The following ATF2 variants were observed in gnomAD, a reference collection of about 807,000 sequenced individuals.
The protein encoded by ATF2 is cyclic AMP-dependent transcription factor ATF-2.
A neutral mutation model predicts 60.6 loss-of-function variants in ATF2; 24 were observed. That is an observed-to-expected ratio of 0.40 (90% CI 0.29 to 0.56). The LOEUF (loss-of-function observed/expected upper bound fraction) is 0.56, where lower values mean the gene tolerates loss of function less well. ATF2 is among the 20% of genes least tolerant of loss of function. The probability of loss-of-function intolerance (pLI) is 0.54; values close to 1 mark genes in which losing one functional copy is unlikely to be tolerated. For synonymous variants in ATF2, 206 were observed against 215.4 expected, an observed-to-expected ratio of 0.96 and a Z score of 0.38; for missense variants, 433 against 607.7, an observed-to-expected ratio of 0.71 and a Z score of 3.02.
At chr2:175,116,771 T>G (rs1696602725) in intron 7 of ATF2, among the ~76,000 whole-genome samples, 3 of 151,932 alleles carry the variant, frequency 2.0e-5, no homozygotes, top group Non-Finnish European at 4.4e-5. Flanking sequence ...AATGAAAAAC[T>G]GTTAAGTGTG....
chr2:175,157,361 C>G (rs1216627111), intron 1 of ATF2, among the ~76,000 whole-genome samples: 1 of 152,112 alleles, frequency 6.6e-6, no homozygotes, highest in Non-Finnish European at 1.5e-5. Context: ...ATCTACACAG[C>G]CACGCAGGGT....
Position 175,130,132 on chromosome 2 carries a change from T to C in ATF2, c.102+6A>G, listed in dbSNP as rs1280916503. On this transcript the variant is annotated splice_donor_region_variant and intron_variant, in intron 4 of 13. Transcript: ENST00000264110. Reference sequence around the variant, plus strand: ...ACAAAATAATTTAAAGTAATTTATATATTACCTGGCCACATCCAGGCGCAG... The same window carrying C: ...ACAAAATAATTTAAAGTAATTTATACATTACCTGGCCACATCCAGGCGCAG... 1.3e-6 allele frequency: 2 copies of C among 1,564,770 alleles called. No homozygotes were observed. Among genetic ancestry groups the C allele is most frequent in the African/African-American group, 1.4e-5 (1 of 73,114 alleles).
chr2:175,137,543 T>G (rs922069339), intron 2 of ATF2, among the ~76,000 whole-genome samples: 2 of 152,068 alleles, frequency 1.3e-5, no homozygotes, highest in African/African-American at 2.4e-5. Flanking sequence ...TGAAGAAAAC[T>G]CTCCTTGCAT....
intron 9 of ATF2, among the ~76,000 whole-genome samples, chr2:175,112,154 CCTTTTTTTT>C (rs1399256722): frequency 6.6e-6 from 1 of 151,992 alleles, no homozygotes; most frequent in Admixed American, 6.5e-5. Context: ...TTGGTTTTTT[CCTTTTTTTT>C]CTTAAACCTA....
chr2:175,155,966 T>C (rs1264844073), intron 1 of ATF2, among the ~76,000 whole-genome samples: 2 of 152,202 alleles, frequency 1.3e-5, no homozygotes, highest in Non-Finnish European at 2.9e-5. Context: ...TTCAGGAGTA[T>C]ATGAGTGTAT....
At chr2:175,080,327 T>G (rs1379411733) in intron 13 of ATF2, 2 of 164,230 alleles carry the variant, frequency 1.2e-5, no homozygotes, top group Non-Finnish European at 2.6e-5. Context: ...AAAAAAGTAG[T>G]GTTTCACCCT....
chr2:175,121,735 C>T (rs1326728685), intron 4 of ATF2, among the ~76,000 whole-genome samples, 195 bp from the exon 5 acceptor site: 1 of 150,652 alleles, frequency 6.6e-6, no homozygotes, highest in African/African-American at 2.4e-5. Flanking sequence ...ACCTATTACT[C>T]AAGAATAAGC....
intron 12 of ATF2, among the ~76,000 whole-genome samples, chr2:175,082,054 T>C (rs1286100378): frequency 2.0e-5 from 3 of 152,072 alleles, no homozygotes; most frequent in Non-Finnish European, 4.4e-5. Context: ...TGAGACTCCG[T>C]CTCAAAAAAA....
intron 3 of ATF2, among the ~76,000 whole-genome samples, chr2:175,131,401 G>A (rs1482962770): frequency 2.0e-5 from 3 of 152,156 alleles, no homozygotes; most frequent in Non-Finnish European, 2.9e-5. Flanking sequence ...GCAGTGCCCT[G>A]AAAAGTTAAG....
At chr2:175,149,281 G>C (rs990947856) in intron 2 of ATF2, among the ~76,000 whole-genome samples, 1 of 152,172 alleles carries the variant, frequency 6.6e-6, no homozygotes, top group Non-Finnish European at 1.5e-5. Context: ...TGTTAAAGGT[G>C]GGGGCGGGGA....
At chr2:175,096,888 A>G (rs1694971774) in intron 11 of ATF2, among the ~76,000 whole-genome samples, 2 of 152,204 alleles carry the variant, frequency 1.3e-5, no homozygotes, top group Non-Finnish European at 2.9e-5. Context: ...TTCCTATAAC[A>G]TCAATACTTT....
chr2:175,165,785 C>A (rs372326108), intron 1 of ATF2, among the ~76,000 whole-genome samples: 3 of 152,220 alleles, frequency 2.0e-5, no homozygotes, highest in Admixed American at 6.5e-5. Context: ...TTCTCCGCCT[C>A]AGCCTCTCGA....
intron 5 of ATF2, among the ~76,000 whole-genome samples, chr2:175,120,712 TATC>T (rs1035154746): frequency 6.6e-6 from 1 of 151,706 alleles, no homozygotes; most frequent in Non-Finnish European, 1.5e-5. Context: ...AGTTTTGTTT[TATC>T]ATAATACTTA....
chr2:175,121,548 A>G lies in ATF2; in HGVS notation c.103-8T>C. 1 of 1,582,346 alleles carries G rather than the reference A, an allele frequency of 6.3e-7. No homozygotes were observed. The highest frequency in any genetic ancestry group is 8.6e-7 in the Non-Finnish European group (1 of 1,162,524). On this transcript the variant is annotated splice_region_variant and splice_polypyrimidine_tract_variant and intron_variant, in intron 4 of 13. Transcript: ENST00000264110. ...ATCCTCGTTGGTAAAACGCTGTGGCAAAAAGTTTTAAAATATAGTTAAGAT... is the reference window on the plus strand; with the variant it reads ...ATCCTCGTTGGTAAAACGCTGTGGCGAAAAGTTTTAAAATATAGTTAAGAT...
intron 3 of ATF2, among the ~76,000 whole-genome samples, chr2:175,132,243 C>CTTATT (rs1697785864): frequency 6.6e-6 from 1 of 152,204 alleles, no homozygotes; most frequent in South Asian, 2.1e-4. Flanking sequence ...TTTTATTGTG[C>CTTATT]TTAGCTTTAT....
chr2:175,105,835 A>C (rs1326497088), intron 10 of ATF2, among the ~76,000 whole-genome samples: 2 of 152,174 alleles, frequency 1.3e-5, no homozygotes, highest in African/African-American at 4.8e-5. Context: ...TCAATATGAA[A>C]AAGATAAATA....
At chr2:175,167,437 A>G (rs1375943964) in intron 1 of ATF2, among the ~76,000 whole-genome samples, 1 of 151,940 alleles carries the variant, frequency 6.6e-6, no homozygotes, top group African/African-American at 2.4e-5. Flanking sequence ...AAGGACGGAA[A>G]AGGCCGAGAC....
chr2:175,090,767 T>C (rs1186816927), intron 12 of ATF2, among the ~76,000 whole-genome samples: 1 of 152,116 alleles, frequency 6.6e-6, no homozygotes, highest in Non-Finnish European at 1.5e-5. Context: ...AGCAAACTTC[T>C]ACCTAATGAT....
intron 12 of ATF2, among the ~76,000 whole-genome samples, chr2:175,084,111 A>G (rs1422558908): frequency 6.6e-6 from 1 of 152,162 alleles, no homozygotes; most frequent in African/African-American, 2.4e-5. Context: ...TAGAACTAGA[A>G]ATACCAATTG....
Sources: allele counts gnomAD v4.1 joint callset (sites outside exome capture counted in the v4.1 genomes callset), GRCh38; gene constraint gnomAD v4.1.1; transcripts MANE v1.5; gene names NCBI Gene and HGNC (gene_info 2026-07-23, HGNC 2026-07-21).